Variants in CHST8 observed in about 807,000 individuals in gnomAD.
CHST8 encodes GALNAC-4-ST1.
A neutral mutation model predicts 15.0 loss-of-function variants in CHST8; 10 were observed. The observed-to-expected ratio is 0.67, with a 90% CI of 0.41 to 1.13. The LOEUF (loss-of-function observed/expected upper bound fraction) is 1.13. Ranked by LOEUF, CHST8 falls within the 50% of genes most tolerant of loss-of-function variation. CHST8 has a pLI of 0.00. For missense variants in CHST8, 634 were observed against 608.2 expected (o/e 1.04, Z -0.45); for synonymous variants, 259 against 256.6 (o/e 1.01, Z -0.09).
intron 3 of CHST8, among the ~76,000 whole-genome samples, chr19:33,742,995 C>A (rs556793627): frequency 5.9e-4 from 90 of 152,292 alleles, no homozygotes; most frequent in African/African-American, 2.1e-3. Context: ...CACTGCTGGG[C>A]TTCTCACTCA....
intron 1 of CHST8, among the ~76,000 whole-genome samples, chr19:33,653,832 A>C (rs952563751): frequency 2.6e-5 from 4 of 152,216 alleles, no homozygotes; most frequent in African/African-American, 9.7e-5. Context: ...GGTCAGCTCT[A>C]CGTAAACCTT....
chr19:33,738,429 T>C (rs1396727369), intron 3 of CHST8, among the ~76,000 whole-genome samples: 1 of 152,178 alleles, frequency 6.6e-6, no homozygotes, highest in African/African-American at 2.4e-5. Flanking sequence ...GAGGTATTAA[T>C]TAAGCACATT....
chr19:33,716,506 A>G (rs1973668241), intron 3 of CHST8, among the ~76,000 whole-genome samples: 1 of 152,150 alleles, frequency 6.6e-6, no homozygotes, highest in Admixed American at 6.5e-5. Context: ...AGCTGGGACT[A>G]CAGGTGTGTG....
intron 3 of CHST8, among the ~76,000 whole-genome samples, chr19:33,770,631 C>T (rs989946345): frequency 2.6e-4 from 39 of 152,230 alleles, no homozygotes; most frequent in African/African-American, 8.7e-4. Context: ...CCAGCCCAGG[C>T]ATGGGCCTCC....
In CHST8 at chr19:33,630,616, G is replaced by A. The variant is rs1972110302; in HGVS notation, c.-164+8320G>A. Among the ~76,000 whole-genome samples the A allele has an allele frequency of 2.6e-5, 4 of 150,954 alleles. No homozygotes were observed. The South Asian group carries it at 8.5e-4, about 32-fold the overall frequency. ...GTGCAGGCAGTCTGTCTACACTGGT[G>A]GGGCCAGTGCATGGGGCAAGCAGTC... On this transcript the variant is annotated intron_variant, in intron 1 of 4. Transcript: ENST00000650847.
intron 1 of CHST8, among the ~76,000 whole-genome samples, chr19:33,665,591 A>G (rs1168147439): frequency 6.6e-6 from 1 of 152,170 alleles, no homozygotes; most frequent in Admixed American, 6.5e-5. Flanking sequence ...TGGACATTTA[A>G]TCAGAACTAG....
chr19:33,662,104 G>A (rs1004706704), intron 1 of CHST8, among the ~76,000 whole-genome samples: 1 of 151,734 alleles, frequency 6.6e-6, no homozygotes, highest in Non-Finnish European at 1.5e-5. Context: ...TTTTTGAGAC[G>A]GAGTCTCACT....
intron 1 of CHST8, among the ~76,000 whole-genome samples, chr19:33,649,681 C>T (rs1972408996): frequency 6.6e-6 from 1 of 152,144 alleles, no homozygotes; most frequent in Admixed American, 6.5e-5. Context: ...CAGTTAAACC[C>T]TACATGTCAA....
At chr19:33,735,186 G>T (rs377177300) in intron 3 of CHST8, among the ~76,000 whole-genome samples, 1 of 152,166 alleles carries the variant, frequency 6.6e-6, no homozygotes, top group South Asian at 2.1e-4. Flanking sequence ...GGGTAGGGGG[G>T]TCAGCTCTGG....
intron 2 of CHST8, among the ~76,000 whole-genome samples, chr19:33,688,506 G>A (rs1973030009): frequency 6.6e-6 from 1 of 152,128 alleles, no homozygotes; most frequent in Non-Finnish European, 1.5e-5. Context: ...TCGAGCACAG[G>A]GACTCCAGTG....
intron 3 of CHST8, among the ~76,000 whole-genome samples, chr19:33,695,463 G>A (rs1018121701): frequency 4.6e-5 from 7 of 152,042 alleles, no homozygotes; most frequent in Admixed American, 2.6e-4. Flanking sequence ...TTTTGGTTAC[G>A]TGGGTAAGTT....
chr19:33,763,856 A>C (rs1568361983), intron 3 of CHST8, among the ~76,000 whole-genome samples: 1 of 152,248 alleles, frequency 6.6e-6, no homozygotes, highest in Non-Finnish European at 1.5e-5. Flanking sequence ...TCACAAGGGC[A>C]GAGCCTGAGC....
intron 3 of CHST8, among the ~76,000 whole-genome samples, chr19:33,765,811 G>A (rs1368090345): frequency 2.0e-5 from 3 of 152,016 alleles, no homozygotes; most frequent in African/African-American, 4.8e-5. Context: ...TCCACCTGCC[G>A]TAGCCTCCAA....
intron 1 of CHST8, among the ~76,000 whole-genome samples, chr19:33,653,424 A>C (rs1366562318): frequency 1.3e-5 from 2 of 152,160 alleles, no homozygotes; most frequent in African/African-American, 4.8e-5. Flanking sequence ...TTTCAGCTTC[A>C]CTGAGTTAAC....
chr19:33,766,385 C>T (rs1397531744), intron 3 of CHST8, among the ~76,000 whole-genome samples: 1 of 152,208 alleles, frequency 6.6e-6, no homozygotes, highest in East Asian at 1.9e-4. Flanking sequence ...AGGCCTCTCT[C>T]CCCCAACCCG....
At chr19:33,740,637 T>C (rs284688) in intron 3 of CHST8, among the ~76,000 whole-genome samples, 90,430 of 152,070 alleles carry the variant, frequency 0.59, 27,876 homozygotes, top group African/African-American at 0.75. Context: ...TTCAGCTCTC[T>C]GTTTCAGGAG....
At chr19:33,634,677 C>CA (rs3040761) in intron 1 of CHST8, among the ~76,000 whole-genome samples, 2,547 of 51,994 alleles carry the variant, frequency 0.049, 44 homozygotes, top group African/African-American at 0.075. Flanking sequence ...GTCACGAAAC[C>CA]AAAAAAAAAA....
At chr19:33,725,071 CG>C (rs925990231) in intron 3 of CHST8, among the ~76,000 whole-genome samples, 20 of 152,190 alleles carry the variant, frequency 1.3e-4, no homozygotes, top group African/African-American at 4.3e-4. Flanking sequence ...GCATATGTAT[CG>C]GGGGGCGCTG....
At chr19:33,692,490 G>T (rs566910647) in intron 3 of CHST8, among the ~76,000 whole-genome samples, 183 of 152,232 alleles carry the variant, frequency 1.2e-3, no homozygotes, top group Middle Eastern at 3.4e-3. Flanking sequence ...TTGAGCCTAG[G>T]AGTTCTAGAC....
Sources: gnomAD v4.1 joint callset for allele counts (sites outside exome capture counted in the v4.1 genomes callset) on GRCh38, gnomAD v4.1.1 for gene constraint, MANE v1.5 for transcripts, NCBI Gene and HGNC (gene_info 2026-07-23, HGNC 2026-07-21) for gene names.